The following SLC5A5 variants were observed in gnomAD, a reference collection of about 807,000 sequenced individuals.
SLC5A5 encodes the protein sodium/iodide cotransporter.
SLC5A5 carries 56 observed loss-of-function variants against 68.6 expected under a neutral mutation model. The observed-to-expected ratio is 0.82, with a 90% CI of 0.66 to 1.02. SLC5A5 has a LOEUF of 1.02. SLC5A5 is among the 50% of genes least tolerant of loss of function. The pLI is 0.00. For synonymous variants in SLC5A5, 398 were observed against 373.0 expected (o/e 1.07, Z -0.77); for missense variants, 807 against 859.8 (o/e 0.94, Z 0.77).
At chr19:17,881,664 C>T (rs1428879221) in intron 8 of SLC5A5, among the ~76,000 whole-genome samples, 2 of 152,210 alleles carry the variant, frequency 1.3e-5, no homozygotes, top group African/African-American at 2.4e-5. Flanking sequence ...TCCACTCTTC[C>T]GGGACTTCTG....
chr19:17,893,660 A>G, intron 14 of SLC5A5, 53 bp from the exon 15 acceptor site: 2 of 1,579,510 alleles, frequency 1.3e-6, no homozygotes, highest in South Asian at 1.1e-5. Flanking sequence ...CTGACACGGA[A>G]CAGGGTGGGG....
At chr19:17,883,109 C>G (rs185556425) in intron 10 of SLC5A5, among the ~76,000 whole-genome samples, 1 of 152,164 alleles carries the variant, frequency 6.6e-6, no homozygotes, top group Non-Finnish European at 1.5e-5. Flanking sequence ...TGTGAGCCAC[C>G]ACGCCTGGCC....
At chr19:17,874,349 A>C in intron 2 of SLC5A5, 145 bp from the exon 3 acceptor site, 2 of 592,512 alleles carry the variant, frequency 3.4e-6, no homozygotes, top group Non-Finnish European at 5.4e-6. Context: ...CTCCCACACC[A>C]CAGCCGGCCT....
rs1396828030 is a variant in SLC5A5 at position 17,882,143 on chromosome 19, CT to C, written c.1172-5del. Reference sequence around the variant, plus strand: ...CCGTTGACCGTGCCATCCTCATCCACTACAGCACTCATCTACGGATCGGCCT... The same window carrying C: ...CCGTTGACCGTGCCATCCTCATCCACACAGCACTCATCTACGGATCGGCCT... On this transcript the variant is annotated splice_region_variant and splice_polypyrimidine_tract_variant and intron_variant, in intron 9 of 14. Coordinates refer to ENST00000222248, the MANE Select transcript of SLC5A5 (RefSeq NM_000453.3). 1 of 1,613,950 alleles carries C rather than the reference CT, an allele frequency of 6.2e-7. No homozygotes were observed. The highest frequency in any genetic ancestry group is 1.3e-5 in the African/African-American group (1 of 74,922).
chr19:17,886,113 G>A (rs2029908442), intron 12 of SLC5A5, among the ~76,000 whole-genome samples: 1 of 151,980 alleles, frequency 6.6e-6, no homozygotes, highest in Non-Finnish European at 1.5e-5. Context: ...CACACATCTT[G>A]GCCTTTCAAA....
Position 17,874,690 on chromosome 19 carries a change from C to T in SLC5A5, c.502C>T (p.Leu168Phe). ...GACCGGGCTGGACATCTGGGCGTCG[C>T]TCCTGTCCACCGGAATTATCTGCAC... is the stretch of plus-strand genomic sequence containing the variant. The part of the protein sequence containing the change: ...QVTGLDIWAS[L>F]LSTGIICTFY... The change falls in exon 4 of 15, where the codon CTC (leucine) becomes TTC (phenylalanine). Residue 168 changes from leucine to phenylalanine, a missense_variant. Transcript: ENST00000222248. 1.2e-6 allele frequency: 2 copies of T among 1,614,126 alleles called. No homozygotes were observed. Among genetic ancestry groups the T allele is most frequent in the Admixed American group, 1.7e-5 (1 of 60,014 alleles).
chr19:17,874,248 T>A (rs374504469), intron 2 of SLC5A5, 45 bp downstream of exon 2: 9 of 1,412,536 alleles, frequency 6.4e-6, no homozygotes, highest in Admixed American at 5.1e-5. Context: ...CCCGAGAGCG[T>A]CAGCCTTCAC....
At chr19:17,883,067 G>A (rs1454537584) in intron 10 of SLC5A5, among the ~76,000 whole-genome samples, 3 of 151,914 alleles carry the variant, frequency 2.0e-5, no homozygotes, top group Admixed American at 6.6e-5. Flanking sequence ...TGATCCACCC[G>A]CCTCTGCCTC....
chr19:17,874,224 C>G (rs770043496), intron 2 of SLC5A5, 21 bp downstream of exon 2: 1 of 1,573,208 alleles, frequency 6.4e-7, no homozygotes, highest in Admixed American at 1.7e-5. Flanking sequence ...TCGGCCCCGC[C>G]CTCCGCTCAG....
At chr19:17,876,688 T>C (rs1295368501) in intron 5 of SLC5A5, among the ~76,000 whole-genome samples, 1 of 151,894 alleles carries the variant, frequency 6.6e-6, no homozygotes, top group Non-Finnish European at 1.5e-5. Context: ...TTGATGAAAG[T>C]CCGTCTTTAC....
intron 1 of SLC5A5, 84 bp from the exon 2 acceptor site, chr19:17,874,054 C>A: frequency 1.0e-6 from 1 of 973,770 alleles, no homozygotes; most frequent in East Asian, 2.5e-5. Flanking sequence ...AGGGAGGGGC[C>A]CACCTAGAGA....
At chr19:17,874,800 G>T in intron 4 of SLC5A5, 69 bp downstream of exon 4, 1 of 1,487,096 alleles carries the variant, frequency 6.7e-7, no homozygotes, top group East Asian at 2.3e-5. Context: ...GGGAGACTCT[G>T]GGCTTGCCCC....
intron 12 of SLC5A5, 62 bp from the exon 13 acceptor site, chr19:17,888,269 A>G: frequency 6.2e-7 from 1 of 1,605,608 alleles, no homozygotes; most frequent in Non-Finnish European, 8.5e-7. Context: ...AGGTTGGAAC[A>G]GCTTTTGAGT....
chr19:17,884,920 C>G (rs891902239), intron 12 of SLC5A5, among the ~76,000 whole-genome samples: 3 of 151,408 alleles, frequency 2.0e-5, no homozygotes, highest in Admixed American at 6.6e-5. Flanking sequence ...TCTTGAACTC[C>G]TGACCTCAGG....
At chr19:17,876,216 G>C in intron 5 of SLC5A5, 110 bp downstream of exon 5, 1 of 1,134,476 alleles carries the variant, frequency 8.8e-7, no homozygotes, top group Non-Finnish European at 1.3e-6. Context: ...GATCACTTGA[G>C]CTCAGGAGTT....
rs754810004 is a variant in SLC5A5, at chr19:17,893,669, G to T, written c.1768-44G>T. 7 of 1,599,456 alleles carry T rather than the reference G, an allele frequency of 4.4e-6. No homozygotes were observed. The South Asian group carries it at 7.8e-5, about 18-fold the overall frequency. ...GATGAGCTGACACGGAACAGGGTGG[G>T]GACAGGGTCTCTGATGGGGTCTCTT... On this transcript the variant is annotated intron_variant, in intron 14 of 14. Transcript: ENST00000222248.
rs767405384 is a variant in SLC5A5, at chr19:17,883,997, C to A, written c.1477C>A (p.Leu493Ile). 6.4e-7 allele frequency: 1 copy of A among 1,571,936 alleles called. No homozygotes were observed. The highest frequency in any genetic ancestry group is 1.2e-5 in the South Asian group (1 of 85,876). ...CVALSVNASG[L>I]LDPALLPAND... ...GGCTCTCTCAGTCAACGCCTCTGGC[C>A]TCCTGGACCCGGCTCTCCTCCCTGC... The change falls in exon 12 of 15, where the codon CTC becomes ATC. Residue 493 changes from leucine to isoleucine, a missense_variant. Transcript: ENST00000222248.
At chr19:17,889,413 A>AGGAGGAAGGAAG (rs1555754783) in intron 13 of SLC5A5, among the ~76,000 whole-genome samples, 1 of 137,608 alleles carries the variant, frequency 7.3e-6, no homozygotes, top group African/African-American at 3.1e-5. Flanking sequence ...AAAGAAAGAA[A>AGGAGGAAGGAAG]GAAGGAAGGA....
At chr19:17,880,093 G>A (rs1252474127) in intron 7 of SLC5A5, among the ~76,000 whole-genome samples, 1 of 152,006 alleles carries the variant, frequency 6.6e-6, no homozygotes, top group Admixed American at 6.6e-5. Flanking sequence ...TAGGGGTGGG[G>A]TTTTGCCATG....
Sources: gnomAD v4.1 joint callset for allele counts (sites outside exome capture counted in the v4.1 genomes callset) on GRCh38, gnomAD v4.1.1 for gene constraint, MANE v1.5 for transcripts, NCBI Gene and HGNC (gene_info 2026-07-23, HGNC 2026-07-21) for gene names.